Variants in BCAR3 observed in about 807,000 individuals in gnomAD.
The protein encoded by BCAR3 is BCAR3 adaptor protein, NSP family member, also known as breast cancer anti-estrogen resistance protein 3.
Under a neutral mutation model 80.1 loss-of-function variants are expected in BCAR3, and 37 were observed. That is an observed-to-expected ratio of 0.46 (90% confidence interval 0.36 to 0.61). The LOEUF (loss-of-function observed/expected upper bound fraction) is 0.61. BCAR3 is among the 20% of genes least tolerant of loss of function. BCAR3 has a pLI of 0.00. For missense variants in BCAR3, 978 were observed against 1,068.2 expected, an observed-to-expected ratio of 0.92 and a Z score of 1.18; for synonymous variants, 389 against 418.9, an observed-to-expected ratio of 0.93 and a Z score of 0.87.
intron 2 of BCAR3, among the ~76,000 whole-genome samples, chr1:93,755,430 C>T (rs149046289): frequency 2.3e-4 from 35 of 152,320 alleles, no homozygotes; most frequent in Non-Finnish European, 4.0e-4. Context: ...GTGCCCTATA[C>T]AGGTGTACCA....
At chr1:93,737,732 T>C (rs1288919823) in intron 2 of BCAR3, among the ~76,000 whole-genome samples, 3 of 152,128 alleles carry the variant, frequency 2.0e-5, no homozygotes, top group African/African-American at 7.2e-5. Flanking sequence ...CATAAGGACA[T>C]AGGGATCAGA....
At chr1:93,577,798 T>G (rs1435222521) in intron 7 of BCAR3, among the ~76,000 whole-genome samples, 1 of 152,132 alleles carries the variant, frequency 6.6e-6, no homozygotes, top group Non-Finnish European at 1.5e-5. Context: ...GTGGCGAGAT[T>G]AAAAGGCCTG....
chr1:93,721,132 T>C (rs919967767), intron 2 of BCAR3, among the ~76,000 whole-genome samples: 3 of 152,100 alleles, frequency 2.0e-5, no homozygotes, highest in Admixed American at 2.0e-4. Context: ...GGGTGGCATC[T>C]AGGTGGGGCA....
chr1:93,712,283 C>T, intron 2 of BCAR3, among the ~76,000 whole-genome samples: 1 of 152,240 alleles, frequency 6.6e-6, no homozygotes, highest in East Asian at 1.9e-4. Flanking sequence ...CTGTCCCATG[C>T]TTCCCTTGGT....
intron 2 of BCAR3, among the ~76,000 whole-genome samples, chr1:93,821,986 T>C (rs1196488815): frequency 6.6e-6 from 1 of 152,082 alleles, no homozygotes. Context: ...AGGAGCACCT[T>C]CTAATTCCAC....
intron 3 of BCAR3, among the ~76,000 whole-genome samples, chr1:93,692,124 T>C (rs139000509): frequency 3.9e-5 from 6 of 152,342 alleles, no homozygotes; most frequent in Non-Finnish European, 5.9e-5. Flanking sequence ...TAACTGACAC[T>C]GCATCATTAG....
chr1:93,633,904 C>T (rs528844731), intron 3 of BCAR3, among the ~76,000 whole-genome samples: 9 of 152,346 alleles, frequency 5.9e-5, no homozygotes, highest in African/African-American at 1.9e-4. Flanking sequence ...TCCCAAAGGG[C>T]GTGAGCCACC....
chr1:93,801,124 C>A (rs1331316310), intron 2 of BCAR3, among the ~76,000 whole-genome samples: 1 of 152,160 alleles, frequency 6.6e-6, no homozygotes, highest in Non-Finnish European at 1.5e-5. Flanking sequence ...TGTTTCTATG[C>A]CCATTTCAGT....
intron 2 of BCAR3, among the ~76,000 whole-genome samples, chr1:93,661,017 C>T (rs1438872037): frequency 2.0e-5 from 3 of 152,074 alleles, no homozygotes; most frequent in Non-Finnish European, 2.9e-5. Flanking sequence ...GCTGGGATTA[C>T]AGGCACCCGC....
intron 2 of BCAR3, among the ~76,000 whole-genome samples, chr1:93,832,152 G>C (rs866757360): frequency 6.6e-6 from 1 of 152,128 alleles, no homozygotes; most frequent in Non-Finnish European, 1.5e-5. Context: ...GATTAACTTC[G>C]CCTTCAAGGT....
At chr1:93,608,087 T>C (rs968076964) in intron 3 of BCAR3, among the ~76,000 whole-genome samples, 1 of 152,208 alleles carries the variant, frequency 6.6e-6, no homozygotes, top group Non-Finnish European at 1.5e-5. Context: ...CCTTTCTACA[T>C]AACTATTTTT....
Position 93,681,786 on chromosome 1 carries a change from C to G in BCAR3, c.-200G>C, listed in dbSNP as rs1461040928. On this transcript the variant is annotated 5_prime_UTR_variant, in exon 1 of 12. Transcript: ENST00000260502. ...GTCTAGCCGGTGCGCCCCGCAGCTC[C>G]GGCTCCGGTCCCGGCCCCGTCCCCC... The G allele has an allele frequency of 6.6e-6, 1 of 152,016 alleles. No individual in the cohort carries two copies. Among genetic ancestry groups the G allele is most frequent in the Non-Finnish European group, 1.5e-5 (1 of 68,042 alleles). The allele number at this position is 152,016 out of a possible 1,614,324, so 9.4% of individuals were successfully genotyped here.
intron 1 of BCAR3, chr1:93,681,245 G>T (rs538970646): frequency 1.3e-5 from 2 of 152,196 alleles, no homozygotes; most frequent in Non-Finnish European, 2.9e-5. Flanking sequence ...GCTCCGACGG[G>T]CAGGGGGTCG....
chr1:93,706,974 A>C (rs1192840176), intron 2 of BCAR3, among the ~76,000 whole-genome samples: 1 of 152,194 alleles, frequency 6.6e-6, no homozygotes, highest in Non-Finnish European at 1.5e-5. Flanking sequence ...CAGGAGTTCG[A>C]GACCAGCCTG....
At chr1:93,629,038 T>C (rs1675530409) in intron 3 of BCAR3, among the ~76,000 whole-genome samples, 1 of 152,250 alleles carries the variant, frequency 6.6e-6, no homozygotes, top group Non-Finnish European at 1.5e-5. Flanking sequence ...CCCATACGTT[T>C]AATATGGAAT....
intron 3 of BCAR3, among the ~76,000 whole-genome samples, chr1:93,700,458 C>T (rs557908832): frequency 9.8e-5 from 15 of 152,334 alleles, no homozygotes; most frequent in Admixed American, 5.9e-4. Context: ...TGAGCCACTG[C>T]GCCTGGCCTA....
chr1:93,707,012 T>C (rs1268196704), intron 2 of BCAR3, among the ~76,000 whole-genome samples: 4 of 151,316 alleles, frequency 2.6e-5, no homozygotes, highest in Non-Finnish European at 5.9e-5. Context: ...CCGTCTCTAC[T>C]AAAAATACAA....
chr1:93,670,105 T>G (rs1415541129), intron 2 of BCAR3, among the ~76,000 whole-genome samples: 2 of 152,034 alleles, frequency 1.3e-5, no homozygotes, highest in African/African-American at 4.8e-5. Flanking sequence ...AAATAAATAA[T>G]AATAAAAATT....
intron 2 of BCAR3, among the ~76,000 whole-genome samples, chr1:93,752,114 G>T (rs536390918): frequency 5.9e-5 from 9 of 152,338 alleles, no homozygotes; most frequent in South Asian, 2.1e-4. Flanking sequence ...CTGGCAAGAG[G>T]CCACCCTCTT....
Sources: gnomAD v4.1 joint callset for allele counts (sites outside exome capture counted in the v4.1 genomes callset) on GRCh38, gnomAD v4.1.1 for gene constraint, MANE v1.5 for transcripts, NCBI Gene and HGNC (gene_info 2026-07-23, HGNC 2026-07-21) for gene names.